TMC1: variants seen among roughly 807,000 people sequenced by gnomAD.
TMC1 encodes the protein transmembrane channel-like protein 1.
A neutral mutation model predicts 105.8 loss-of-function variants in TMC1; 84 were observed. That is an observed-to-expected ratio of 0.79 (90% CI 0.67 to 0.95). TMC1 has a LOEUF of 0.95. Ranked by LOEUF, TMC1 falls within the 40% of genes least tolerant of loss-of-function variation. The pLI is 0.00. For missense variants in TMC1, 817 were observed against 914.1 expected (o/e 0.89, Z 1.37); for synonymous variants, 315 against 311.5 (o/e 1.01, Z -0.12).
intron 17 of TMC1, 199 bp from the exon 18 acceptor site, chr9:72,805,183 G>A (rs975515673): frequency 7.2e-5 from 31 of 432,010 alleles, no homozygotes; most frequent in Non-Finnish European, 1.2e-4. Context: ...TTTAGTAAAC[G>A]GGAAATAATT....
intron 1 of TMC1, among the ~76,000 whole-genome samples, chr9:72,536,752 G>A (rs909022774): frequency 3.9e-5 from 6 of 152,172 alleles, no homozygotes; most frequent in Non-Finnish European, 8.8e-5. Context: ...GGCTTTGCTG[G>A]GTGCAGCCCA....
chr9:72,534,854 A>C (rs547966960), intron 1 of TMC1, among the ~76,000 whole-genome samples: 4 of 152,380 alleles, frequency 2.6e-5, no homozygotes, highest in African/African-American at 9.6e-5. Flanking sequence ...CCAATAATGT[A>C]GTTGGCAGCC....
At chr9:72,777,713 A>G (rs963175516) in intron 13 of TMC1, among the ~76,000 whole-genome samples, 1 of 152,236 alleles carries the variant, frequency 6.6e-6, no homozygotes, top group East Asian at 1.9e-4. Context: ...AGCATGGACT[A>G]ATAAGGATAG....
intron 12 of TMC1, among the ~76,000 whole-genome samples, chr9:72,756,024 T>C (rs1220322087): frequency 6.6e-6 from 1 of 152,088 alleles, no homozygotes; most frequent in Non-Finnish European, 1.5e-5. Flanking sequence ...ATGTGAGGAG[T>C]ACCAGAACAT....
rs182704622 is a variant in TMC1, at chr9:72,603,897, G to A, written c.-305-12471G>A. ...TTTTTCTTTTTTGAGACGGAATTTCGCTCTTGTTGCCCAGGCTGGAGTGCA... is the reference window on the plus strand; with the variant it reads ...TTTTTCTTTTTTGAGACGGAATTTCACTCTTGTTGCCCAGGCTGGAGTGCA... On this transcript the variant is annotated intron_variant, in intron 2 of 23. Transcript: ENST00000297784. Among the ~76,000 whole-genome samples, 33 of 110,544 alleles carry A rather than the reference G, an allele frequency of 3.0e-4. No homozygotes were observed. The Admixed American group carries it at 3.8e-3, about 13-fold the overall frequency. 72.5% of individuals were successfully genotyped at this position (110,544 alleles called of 152,430 possible).
intron 21 of TMC1, among the ~76,000 whole-genome samples, chr9:72,829,592 T>G (rs1363057966): frequency 6.6e-6 from 1 of 152,156 alleles, no homozygotes; most frequent in African/African-American, 2.4e-5. Context: ...TTAGTAAAAC[T>G]CCCATCACTC....
In TMC1 at chr9:72,837,789, A is replaced by G. The variant is rs1389857249; in HGVS notation, c.*1816A>G. On this transcript the variant is annotated 3_prime_UTR_variant, in exon 24 of 24. Transcript: ENST00000297784. ...GTCTCTGAGTTTCTCATTCTTTTTG[A>G]TCACCAAAAGGCAGCCATAGAATAA... 6.6e-6 allele frequency: 1 copy of G among 152,054 alleles called. No homozygotes were observed. 9.4% of individuals were successfully genotyped at this position (152,054 alleles called of 1,614,324 possible).
intron 4 of TMC1, among the ~76,000 whole-genome samples, chr9:72,640,383 A>G (rs1230814842): frequency 6.6e-6 from 1 of 152,198 alleles, no homozygotes; most frequent in Non-Finnish European, 1.5e-5. Flanking sequence ...GTCATCACTC[A>G]TCTCTTGATT....
In TMC1 at chr9:72,550,329, G is replaced by A. The variant is rs146184281; in HGVS notation, c.-427-27573G>A. Among the ~76,000 whole-genome samples the A allele has an allele frequency of 1.6e-3, 241 of 151,686 alleles. 1 individual carries two copies. Among genetic ancestry groups the A allele is most frequent in the African/African-American group, 5.4e-3 (224 of 41,422 alleles). On this transcript the variant is annotated intron_variant, in intron 1 of 23. Coordinates refer to ENST00000297784, the MANE Select transcript of TMC1 (RefSeq NM_138691.3). Reference sequence around the variant, plus strand: ...CTAAAAATACAAAAATTAGCTGGGCGTGGTCAGGCGCCTGTAATCCCAGCT... The same window carrying A: ...CTAAAAATACAAAAATTAGCTGGGCATGGTCAGGCGCCTGTAATCCCAGCT...
chr9:72,717,754 C>G (rs72733043), intron 8 of TMC1, among the ~76,000 whole-genome samples: 1 of 152,148 alleles, frequency 6.6e-6, no homozygotes, highest in Admixed American at 6.5e-5. Flanking sequence ...CTTTAGATAA[C>G]CTGATAACTA....
chr9:72,833,657 C>T (rs1230271107), intron 23 of TMC1, among the ~76,000 whole-genome samples: 1 of 152,132 alleles, frequency 6.6e-6, no homozygotes, highest in African/African-American at 2.4e-5. Context: ...AATTGTTCTT[C>T]TCTTACTCTC....
intron 14 of TMC1, among the ~76,000 whole-genome samples, 165 bp from the exon 15 acceptor site, chr9:72,788,958 T>C (rs946265180): frequency 6.6e-6 from 1 of 152,224 alleles, no homozygotes; most frequent in African/African-American, 2.4e-5. Flanking sequence ...CCATCGTTTG[T>C]TGGCAATATT....
chr9:72,596,227 T>G (rs1824717615), intron 2 of TMC1, among the ~76,000 whole-genome samples: 1 of 152,216 alleles, frequency 6.6e-6, no homozygotes, highest in Non-Finnish European at 1.5e-5. Context: ...TTGCTCTTAC[T>G]GTCTGCCCAT....
At chr9:72,820,289 T>C (rs1828846450) in intron 19 of TMC1, among the ~76,000 whole-genome samples, 1 of 152,224 alleles carries the variant, frequency 6.6e-6, no homozygotes, top group Non-Finnish European at 1.5e-5. Context: ...ATTTTTTTCT[T>C]TCATTAAGCA....
intron 17 of TMC1, among the ~76,000 whole-genome samples, chr9:72,800,424 T>C (rs2118222879): frequency 6.6e-6 from 1 of 152,292 alleles, no homozygotes; most frequent in African/African-American, 2.4e-5. Flanking sequence ...ATCTACTGAA[T>C]GGGATTAATA....
intron 1 of TMC1, among the ~76,000 whole-genome samples, chr9:72,541,380 T>C (rs992285725): frequency 2.0e-5 from 3 of 152,168 alleles, no homozygotes; most frequent in African/African-American, 7.2e-5. Context: ...AATGAATTGT[T>C]TGAATAACTT....
chr9:72,571,561 C>T (rs1824285992), intron 1 of TMC1, among the ~76,000 whole-genome samples: 1 of 151,404 alleles, frequency 6.6e-6, no homozygotes, highest in African/African-American at 2.4e-5. Flanking sequence ...ATTCTCCTGC[C>T]TCAGCCTCCC....
intron 10 of TMC1, among the ~76,000 whole-genome samples, chr9:72,742,981 A>ACC (rs1827416176): frequency 2.0e-5 from 3 of 152,208 alleles, no homozygotes; most frequent in Non-Finnish European, 4.4e-5. Flanking sequence ...CACGCCTGTA[A>ACC]TCCCAGCACT....
chr9:72,580,849 T>C (rs1824464081), intron 2 of TMC1, among the ~76,000 whole-genome samples: 1 of 152,186 alleles, frequency 6.6e-6, no homozygotes, highest in Non-Finnish European at 1.5e-5. Flanking sequence ...ATGAATCTAC[T>C]GATAACACAA....
Sources: allele counts gnomAD v4.1 joint callset (sites outside exome capture counted in the v4.1 genomes callset), GRCh38; gene constraint gnomAD v4.1.1; transcripts MANE v1.5; gene names NCBI Gene and HGNC (gene_info 2026-07-23, HGNC 2026-07-21).